DNAH11: variants seen among roughly 807,000 people sequenced by gnomAD.
The protein encoded by DNAH11 is axonemal beta dynein heavy chain 11.
DNAH11 carries 442 observed loss-of-function variants against 526.0 expected under a neutral mutation model. That is an observed-to-expected ratio of 0.84 (90% CI 0.78 to 0.91). The LOEUF (loss-of-function observed/expected upper bound fraction) is 0.91, where lower values mean the gene tolerates loss of function less well. DNAH11 is among the 40% of genes least tolerant of loss of function. The pLI is 0.00. For missense variants in DNAH11, 6,989 were observed against 5,448.7 expected, an observed-to-expected ratio of 1.28 and a Z score of -8.90; for synonymous variants, 2,461 against 1,935.9, an observed-to-expected ratio of 1.27 and a Z score of -7.12.
In DNAH11 at chr7:21,615,563, A is replaced by G. The variant is rs11974525; in HGVS notation, c.4011+291A>G. Among the ~76,000 whole-genome samples the G allele has an allele frequency of 0.039, 5,951 of 151,476 alleles. 398 individuals are homozygous for G. The highest frequency in any genetic ancestry group is 0.13 in the African/African-American group (5,575 of 41,462). On this transcript the variant is annotated intron_variant, in intron 21 of 81. Coordinates refer to ENST00000409508, the MANE Select transcript of DNAH11 (RefSeq NM_001277115.2). ...ATATAAATAAAATAAAAATTAATAT[A>G]TAAATATATATTACATGTGTAGTCA...
intron 14 of DNAH11, among the ~76,000 whole-genome samples, chr7:21,598,128 C>T (rs1784934510): frequency 6.6e-6 from 1 of 152,166 alleles, no homozygotes. Context: ...ATCATATATC[C>T]ATAGTAAAGA....
rs375135864 is a variant in DNAH11 at position 21,850,115 on chromosome 7, G to C, written c.10897-2352G>C. 5.3e-5 allele frequency among the ~76,000 whole-genome samples: 8 copies of C among 151,550 alleles called. No individual in the cohort carries two copies. The East Asian group carries it at 9.7e-4, about 18-fold the overall frequency. On this transcript the variant is annotated intron_variant, in intron 66 of 81. Transcript: ENST00000409508. Reference sequence around the variant, plus strand: ...CTCACGCCTGTAATCCCAGCACTTTGGGAGGCCAAGGCAGGCGGATCACAA... The same window carrying C: ...CTCACGCCTGTAATCCCAGCACTTTCGGAGGCCAAGGCAGGCGGATCACAA...
intron 61 of DNAH11, among the ~76,000 whole-genome samples, chr7:21,799,326 T>C (rs1788859692): frequency 6.6e-6 from 1 of 152,206 alleles, no homozygotes; most frequent in South Asian, 2.1e-4. Context: ...GTAATATTTT[T>C]ACTTCAATCT....
At chr7:21,691,007 G>C (rs1783593486) in intron 35 of DNAH11, 126 bp downstream of exon 35, 3 of 681,862 alleles carry the variant, frequency 4.4e-6, no homozygotes, top group Non-Finnish European at 7.6e-6. Context: ...GATTTCCTTG[G>C]GCTCCTTTTA....
rs750214113 is a variant in DNAH11, at chr7:21,559,638, T to C, written c.728T>C (p.Ile243Thr). Residue 243 changes from isoleucine (I) to threonine (T), a missense_variant, in exon 4 of 82, where the codon ATT becomes ACT. Transcript: ENST00000409508. ...PSNERIILHA[I>T]ESVVIEWSHQ... ...AACGAAAGGATAATACTTCATGCAA[T>C]TGAATCTGTGGTTATTGAATGGTCA... 6.2e-7 allele frequency: 1 copy of C among 1,611,534 alleles called. No individual in the cohort carries two copies. Among genetic ancestry groups the C allele is most frequent in the Admixed American group, 1.7e-5 (1 of 59,728 alleles).
At chr7:21,816,027 A>C (rs1453417898) in intron 63 of DNAH11, among the ~76,000 whole-genome samples, 1 of 152,144 alleles carries the variant, frequency 6.6e-6, no homozygotes, top group African/African-American at 2.4e-5. Flanking sequence ...GAGATAGGTC[A>C]TCTCTTTGTA....
chr7:21,668,044 A>C (rs1782488756), intron 30 of DNAH11, among the ~76,000 whole-genome samples: 1 of 152,176 alleles, frequency 6.6e-6, no homozygotes, highest in African/African-American at 2.4e-5. Flanking sequence ...AGGATTTTCC[A>C]CTCTTTCTAT....
chr7:21,749,085 A>G (rs894349470), intron 52 of DNAH11, among the ~76,000 whole-genome samples: 22 of 152,110 alleles, frequency 1.4e-4, no homozygotes, highest in African/African-American at 2.9e-4. Context: ...TAGGTTGGGG[A>G]AAAAAGACAC....
rs145735492 is a variant in DNAH11 at position 21,866,519 on chromosome 7, G to C, written c.11546G>C (p.Gly3849Ala). Residue 3849 changes from glycine to alanine, a missense_variant, in exon 71 of 82, where the codon GGA (glycine) becomes GCA (alanine). Gly to Ala is a moderately conservative substitution (Grantham distance 60). Coordinates refer to ENST00000409508, the MANE Select transcript of DNAH11 (RefSeq NM_001277115.2). Reference protein sequence around the residue: ...EFRGIDRDVEGSAKQWRKWVE... With the variant: ...EFRGIDRDVEASAKQWRKWVE... ...CGAGGCATAGACCGAGATGTGGAAG[G>C]ATCTGCCAAGCAGTGGAGGAAGTGG... The C allele has an allele frequency of 6.2e-6, 10 of 1,613,790 alleles. No homozygotes were observed. The highest frequency in any genetic ancestry group is 7.6e-6 in the Non-Finnish European group (9 of 1,179,834).
intron 56 of DNAH11, among the ~76,000 whole-genome samples, chr7:21,774,882 A>G (rs1351335561): frequency 6.6e-6 from 1 of 152,104 alleles, no homozygotes; most frequent in African/African-American, 2.4e-5. Context: ...CCTCAAGACT[A>G]GAAATACTGG....
chr7:21,756,128 C>T (rs907922239), intron 54 of DNAH11, among the ~76,000 whole-genome samples: 1 of 151,810 alleles, frequency 6.6e-6, no homozygotes, highest in Admixed American at 6.6e-5. Context: ...GCAATTTTTG[C>T]ACTCCATGGT....
At chr7:21,836,943 A>C (rs1782017548) in intron 65 of DNAH11, among the ~76,000 whole-genome samples, 1 of 152,196 alleles carries the variant, frequency 6.6e-6, no homozygotes, top group Non-Finnish European at 1.5e-5. Flanking sequence ...AAGGACTTGA[A>C]TAGACATTTC....
chr7:21,680,356 T>C (rs1473335000), intron 30 of DNAH11, among the ~76,000 whole-genome samples: 1 of 152,236 alleles, frequency 6.6e-6, no homozygotes, highest in African/African-American at 2.4e-5. Context: ...TGGTATTGTT[T>C]CACAGTATGA....
chr7:21,677,616 C>G (rs999162046), intron 30 of DNAH11, among the ~76,000 whole-genome samples: 2 of 152,310 alleles, frequency 1.3e-5, no homozygotes, highest in African/African-American at 2.4e-5. Flanking sequence ...AACTCCTGAC[C>G]TCAAGTGATC....
At chr7:21,571,756 A>AT in intron 7 of DNAH11, 50 bp from the exon 8 acceptor site, 2 of 1,378,958 alleles carry the variant, frequency 1.5e-6, no homozygotes, top group Non-Finnish European at 9.6e-7. Context: ...ACTTTAAAAT[A>AT]TTTTGCTGCT....
chr7:21,606,336 AAAAG>A (rs1220076026), intron 18 of DNAH11, 86 bp from the exon 19 acceptor site: 226 of 1,134,702 alleles, frequency 2.0e-4, no homozygotes, highest in Admixed American at 4.9e-4. Context: ...AGAAAAAAAA[AAAAG>A]AAAGAAATTA....
At chr7:21,857,581 C>T (rs1782901415) in intron 68 of DNAH11, among the ~76,000 whole-genome samples, 1 of 151,492 alleles carries the variant, frequency 6.6e-6, no homozygotes, top group Non-Finnish European at 1.5e-5. Flanking sequence ...GATTTTAAGA[C>T]TTAAATCTAC....
intron 61 of DNAH11, among the ~76,000 whole-genome samples, chr7:21,795,319 A>T (rs1039712568): frequency 2.0e-5 from 3 of 152,150 alleles, no homozygotes; most frequent in Non-Finnish European, 4.4e-5. Context: ...ACTGAAAGCT[A>T]TTTGGGATCT....
chr7:21,859,158 G>T (rs1160370675), intron 68 of DNAH11, among the ~76,000 whole-genome samples: 1 of 151,944 alleles, frequency 6.6e-6, no homozygotes, highest in Non-Finnish European at 1.5e-5. Flanking sequence ...CTGTCACCCA[G>T]ACTGGAATGT....
Sources: gnomAD v4.1 joint callset for allele counts (sites outside exome capture counted in the v4.1 genomes callset) on GRCh38, gnomAD v4.1.1 for gene constraint, MANE v1.5 for transcripts, NCBI Gene and HGNC (gene_info 2026-07-23, HGNC 2026-07-21) for gene names.